Variants in USH2A observed in about 807,000 individuals in gnomAD.
USH2A encodes the protein Usher syndrome 2A (autosomal recessive, mild).
In USH2A, 443 loss-of-function variants were observed where a neutral mutation model predicts 538.9. That is an observed-to-expected ratio of 0.82 (90% CI 0.76 to 0.89). USH2A has a LOEUF of 0.89. USH2A is among the 40% of genes least tolerant of loss of function. USH2A has a pLI of 0.00. For missense variants in USH2A, 6,633 were observed against 6,324.8 expected (o/e 1.05, Z -1.65); for synonymous variants, 2,413 against 2,273.5 (o/e 1.06, Z -1.75).
At chr1:215,780,695 C>G (rs1395133518) in intron 54 of USH2A, among the ~76,000 whole-genome samples, 1 of 152,224 alleles carries the variant, frequency 6.6e-6, no homozygotes, top group Non-Finnish European at 1.5e-5. Context: ...AATTGCTTTG[C>G]ATGTAGCAGG....
intron 21 of USH2A, among the ~76,000 whole-genome samples, chr1:216,119,054 C>G (rs1473595738): frequency 6.6e-6 from 1 of 152,204 alleles, no homozygotes; most frequent in African/African-American, 2.4e-5. Context: ...CATCACAATA[C>G]AGAAATTAAA....
intron 14 of USH2A, among the ~76,000 whole-genome samples, chr1:216,227,262 A>C (rs1289327469): frequency 6.6e-6 from 1 of 152,258 alleles, no homozygotes; most frequent in Non-Finnish European, 1.5e-5. Flanking sequence ...ATGGTGAATA[A>C]AGAATGAATG....
rs143898511 is a variant in USH2A at position 215,675,014 on chromosome 1, C to G, written c.12897G>C (p.Arg4299Ser). ...EQSNGIIQSYRLQRNEMLYPF... is the reference protein window; with the variant it reads ...EQSNGIIQSYSLQRNEMLYPF... ...GATAGAGCATTTCATTCCTTTGAAGCCTATAGGACTGGATAATACCATTAG... is the reference window on the plus strand; with the variant it reads ...GATAGAGCATTTCATTCCTTTGAAGGCTATAGGACTGGATAATACCATTAG... The change falls in exon 63 of 72, where the codon AGG becomes AGC. Residue 4299 changes from arginine to serine, a missense_variant. By Grantham distance (110) the Arg-to-Ser change is moderately radical. Transcript: ENST00000307340. 1 of 1,614,000 alleles carries G rather than the reference C, an allele frequency of 6.2e-7. No individual in the cohort carries two copies. The highest frequency in any genetic ancestry group is 1.3e-5 in the African/African-American group (1 of 74,908).
intron 3 of USH2A, among the ~76,000 whole-genome samples, chr1:216,387,376 C>T (rs2039025213): frequency 6.6e-6 from 1 of 152,164 alleles, no homozygotes; most frequent in Admixed American, 6.5e-5. Flanking sequence ...TTTTCTATTT[C>T]CACAATTTAC....
intron 41 of USH2A, among the ~76,000 whole-genome samples, chr1:215,882,029 A>G (rs931890724): frequency 6.6e-6 from 1 of 152,160 alleles, no homozygotes; most frequent in African/African-American, 2.4e-5. Flanking sequence ...AAAGAGTAAC[A>G]CCCAAAAGCA....
chr1:216,281,870 T>TTC (rs1297672311), intron 11 of USH2A, among the ~76,000 whole-genome samples: 1 of 145,622 alleles, frequency 6.9e-6, no homozygotes, highest in Non-Finnish European at 1.5e-5. Context: ...TGTCTGTTTT[T>TTC]TTTTTTTTTT....
intron 3 of USH2A, among the ~76,000 whole-genome samples, chr1:216,378,701 C>T (rs557996296): frequency 1.3e-5 from 2 of 151,892 alleles, no homozygotes; most frequent in Non-Finnish European, 2.9e-5. Context: ...CTTCCCTCAC[C>T]CACCCCTCAC....
intron 56 of USH2A, among the ~76,000 whole-genome samples, chr1:215,764,172 A>G (rs1281810365): frequency 6.6e-6 from 1 of 152,174 alleles, no homozygotes; most frequent in East Asian, 1.9e-4. Flanking sequence ...CTCAGCCTTC[A>G]TTAGGAGATA....
chr1:216,359,961 T>C (rs1571738853), intron 4 of USH2A, among the ~76,000 whole-genome samples: 1 of 152,140 alleles, frequency 6.6e-6, no homozygotes, highest in East Asian at 1.9e-4. Context: ...CTTTCATTGC[T>C]GATAGGAATG....
At chr1:215,698,692 TG>T (rs567098418) in intron 61 of USH2A, among the ~76,000 whole-genome samples, 222 of 152,360 alleles carry the variant, frequency 1.5e-3, no homozygotes, top group African/African-American at 5.0e-3. Context: ...CTTGTAAATT[TG>T]TTTAAGTTCC....
At chr1:215,786,549 A>G in intron 52 of USH2A, 121 bp downstream of exon 52, 2 of 1,096,704 alleles carry the variant, frequency 1.8e-6, no homozygotes, top group Non-Finnish European at 2.8e-6. Flanking sequence ...GCCTCAAAGT[A>G]TGATGGAATG....
intron 16 of USH2A, among the ~76,000 whole-genome samples, chr1:216,203,030 G>A (rs963971585): frequency 1.3e-5 from 2 of 152,126 alleles, no homozygotes; most frequent in Non-Finnish European, 2.9e-5. Context: ...GACTGATACA[G>A]TTTCTGGTCT....
chr1:215,877,448 G>C (rs1472827699), intron 43 of USH2A, among the ~76,000 whole-genome samples: 1 of 152,082 alleles, frequency 6.6e-6, no homozygotes, highest in Non-Finnish European at 1.5e-5. Context: ...TTTTGTATGT[G>C]TTCAATATTT....
At chr1:216,056,803 TGAGA>T (rs140228784) in intron 30 of USH2A, among the ~76,000 whole-genome samples, 3,190 of 151,204 alleles carry the variant, frequency 0.021, 116 homozygotes, top group African/African-American at 0.074. Context: ...TGTGTGTGTG[TGAGA>T]GAGAGAGATT....
chr1:216,045,838 G>T (rs1199466619), intron 32 of USH2A, among the ~76,000 whole-genome samples: 1 of 152,102 alleles, frequency 6.6e-6, no homozygotes, highest in Non-Finnish European at 1.5e-5. Context: ...GACAGCCCTG[G>T]GTGGAGGGAG....
At chr1:216,067,927 G>T (rs1333501440) in intron 30 of USH2A, among the ~76,000 whole-genome samples, 1 of 152,160 alleles carries the variant, frequency 6.6e-6, no homozygotes, top group African/African-American at 2.4e-5. Context: ...AGAAAAAAAT[G>T]AAAGAGAAAG....
chr1:216,079,202 G>T (rs1168850194), intron 26 of USH2A: 2 of 151,966 alleles, frequency 1.3e-5, no homozygotes, highest in Non-Finnish European at 2.9e-5. Context: ...AGGACCTCAG[G>T]TAAGCAATTT....
intron 3 of USH2A, among the ~76,000 whole-genome samples, chr1:216,391,961 T>TG (rs1348232087): frequency 6.6e-6 from 1 of 152,216 alleles, no homozygotes; most frequent in Non-Finnish European, 1.5e-5. Context: ...AATCTCTCTA[T>TG]GCCTCAGTAG....
chr1:215,803,088 C>T (rs1156657061), intron 49 of USH2A, among the ~76,000 whole-genome samples: 1 of 152,124 alleles, frequency 6.6e-6, no homozygotes, highest in Admixed American at 6.5e-5. Flanking sequence ...AACAACGCTT[C>T]ATGCTAAAAA....
Sources: allele counts gnomAD v4.1 joint callset (sites outside exome capture counted in the v4.1 genomes callset), GRCh38; gene constraint gnomAD v4.1.1; transcripts MANE v1.5; gene names NCBI Gene and HGNC (gene_info 2026-07-23, HGNC 2026-07-21).